The following CPLANE1 variants were observed in gnomAD, a reference collection of about 807,000 sequenced individuals.
The protein encoded by CPLANE1 is ciliogenesis and planar polarity effector complex subunit 1.
CPLANE1 carries 263 observed loss-of-function variants against 362.5 expected under a neutral mutation model. That is an observed-to-expected ratio of 0.73 (90% CI 0.66 to 0.80). CPLANE1 has a LOEUF of 0.80. CPLANE1 is among the 30% of genes least tolerant of loss of function. The pLI is 0.00. For missense variants in CPLANE1, 3,461 were observed against 3,793.4 expected (o/e 0.91, Z 2.30); for synonymous variants, 1,212 against 1,302.6 (o/e 0.93, Z 1.50).
Position 37,106,813 on chromosome 5 carries a change from G to A in CPLANE1, c.*789C>T. ...GTGCTTTTATATTATACCAAACATT[G>A]ATGAAGTAGTTGAAGGATACTGGTT... On this transcript the variant is annotated 3_prime_UTR_variant, in exon 53 of 53. Transcript: ENST00000651892. 4.2e-6 allele frequency: 4 copies of A among 963,628 alleles called. No individual in the cohort carries two copies. Among genetic ancestry groups the A allele is most frequent in the Non-Finnish European group, 4.9e-6 (4 of 810,232 alleles). The allele number at this position is 963,628 out of a possible 1,614,324, so 59.7% of individuals were successfully genotyped here.
chr5:37,216,490 A>G (rs986259862), intron 15 of CPLANE1, among the ~76,000 whole-genome samples: 1 of 152,244 alleles, frequency 6.6e-6, no homozygotes, highest in Non-Finnish European at 1.5e-5. Context: ...TTGAAGCTGC[A>G]GTGAGCTGTG....
chr5:37,138,978 A>C (rs1228186931), intron 45 of CPLANE1, 130 bp from the exon 46 acceptor site: 1 of 780,066 alleles, frequency 1.3e-6, no homozygotes, highest in Non-Finnish European at 1.9e-6. Context: ...CTATTTCTGT[A>C]ATTCTAGTAT....
At chr5:37,158,145 C>A in intron 39 of CPLANE1, 79 bp downstream of exon 39, 16 of 1,454,790 alleles carry the variant, frequency 1.1e-5, no homozygotes, top group Non-Finnish European at 1.5e-5. Context: ...ATTTCATCTA[C>A]CCAATTGAAT....
intron 12 of CPLANE1, 27 bp downstream of exon 12, chr5:37,226,277 T>G (rs923550381): frequency 7.8e-6 from 11 of 1,409,724 alleles, no homozygotes; most frequent in East Asian, 2.5e-5. Flanking sequence ...GCTAATAGTA[T>G]CCCAGTATTA....
chr5:37,206,374 A>G lies in CPLANE1; in HGVS notation c.2972T>C (p.Val991Ala). ...CACATTAGAGAGATTCTGATCTCTAACAACACTGGCCACCTTAGAGTGTTG... is the reference window on the plus strand; with the variant it reads ...CACATTAGAGAGATTCTGATCTCTAGCAACACTGGCCACCTTAGAGTGTTG... ...PLQHSKVASVVRDQNLSNVWT... is the reference protein window; with the variant it reads ...PLQHSKVASVARDQNLSNVWT... The change falls in exon 17 of 53, where the codon GTT becomes GCT. Residue 991 changes from valine (V) to alanine (A), a missense_variant. This residue lies in a region of CPLANE1 where 3,380 missense variants were observed against 3,666.1 expected (regional missense o/e 0.92). Transcript: ENST00000651892. The G allele has an allele frequency of 1.3e-6, 2 of 1,551,772 alleles. No individual in the cohort carries two copies. Among genetic ancestry groups the G allele is most frequent in the Non-Finnish European group, 1.7e-6 (2 of 1,146,968 alleles).
At chr5:37,104,271 A>G (rs1181670914), downstream of CPLANE1, among the ~76,000 whole-genome samples, 1 of 152,086 alleles carries the variant, frequency 6.6e-6, no homozygotes, top group African/African-American at 2.4e-5. Flanking sequence ...CTGTAGTTTT[A>G]TCATGGTTCT....
chr5:37,140,143 CTA>C (rs1461271152), intron 44 of CPLANE1: 2 of 874,488 alleles, frequency 2.3e-6, no homozygotes, highest in African/African-American at 3.6e-5. Flanking sequence ...ATTCAGTCTT[CTA>C]TATGTTTCAT....
At position 37,107,769 on chromosome 5, in the gene CPLANE1, G is replaced by T. The variant is rs1355287428; in HGVS notation, c.9589C>A (p.Pro3197Thr). 6.8e-6 allele frequency: 11 copies of T among 1,605,998 alleles called. No homozygotes were observed. Among genetic ancestry groups the T allele is most frequent in the Non-Finnish European group, 8.5e-6 (10 of 1,175,792 alleles). Reference sequence around the variant, plus strand: ...TGCTCTGGCTCTTCCTCTTCAGTTGGAGACAAGTCCTATTAAATTGAAAAG... The same window carrying T: ...TGCTCTGGCTCTTCCTCTTCAGTTGTAGACAAGTCCTATTAAATTGAAAAG... ...SHNSLLQDLS[P>T]TEEEEPEHPF... The change falls in exon 53 of 53, where the codon CCA (proline) becomes ACA (threonine). Residue 3197 changes from proline (P) to threonine (T), a missense_variant. Pro to Thr is a conservative substitution (Grantham distance 38, BLOSUM62 -1). Transcript: ENST00000651892.
intron 16 of CPLANE1, 96 bp from the exon 17 acceptor site, chr5:37,206,521 C>T: frequency 1.3e-6 from 1 of 760,238 alleles, no homozygotes; most frequent in Non-Finnish European, 2.1e-6. Context: ...GTATTATCTA[C>T]AAAAAACCAC....
intron 16 of CPLANE1, chr5:37,212,516 A>G (rs1792909391): frequency 5.2e-6 from 3 of 575,202 alleles, no homozygotes; most frequent in Non-Finnish European, 9.7e-6. Context: ...AAAAGAAAGA[A>G]ACTACAAATG....
In CPLANE1 at chr5:37,183,323, C is replaced by A; in HGVS notation, c.4858G>T (p.Val1620Phe). Residue 1620 changes from valine (V) to phenylalanine (F), a missense_variant, in exon 26 of 53, where the codon GTT becomes TTT. Around this residue, in one of 2 missense-constraint regions of CPLANE1, gnomAD observed 3,380 missense variants for 3,666.1 expected, o/e 0.92. Transcript: ENST00000651892. The stretch of plus-strand genomic sequence containing the variant: ...GATTCATAGGACTCAGGAGCAACAA[C>A]AAAGCAAGAACCAGCTCTAAACACA... ...QNVFRAGSCF[V>F]VAPESYESEK... 1 of 1,613,168 alleles carries A rather than the reference C, an allele frequency of 6.2e-7. No individual in the cohort carries two copies. The highest frequency in any genetic ancestry group is 8.5e-7 in the Non-Finnish European group (1 of 1,179,732).
intron 24 of CPLANE1, 24 bp from the exon 25 acceptor site, chr5:37,185,103 C>T: frequency 6.4e-7 from 1 of 1,568,734 alleles, no homozygotes; most frequent in South Asian, 1.2e-5. Flanking sequence ...AATAAAAAGT[C>T]TTAGTGTTCA....
chr5:37,188,022 G>A (rs535616183), intron 21 of CPLANE1, among the ~76,000 whole-genome samples, 180 bp from the exon 22 acceptor site: 12 of 152,122 alleles, frequency 7.9e-5, no homozygotes, highest in Non-Finnish European at 1.8e-4. Context: ...CATGGAGATT[G>A]ACTTATAAGT....
chr5:37,219,387 G>A (rs1295647162), intron 15 of CPLANE1, among the ~76,000 whole-genome samples: 1 of 151,992 alleles, frequency 6.6e-6, no homozygotes, highest in East Asian at 1.9e-4. Context: ...AGTCAGCCAG[G>A]CATGGTGGCG....
chr5:37,159,701 C>T (rs1391459728), intron 38 of CPLANE1, among the ~76,000 whole-genome samples: 2 of 152,064 alleles, frequency 1.3e-5, no homozygotes, highest in African/African-American at 4.8e-5. Flanking sequence ...TAAATTTAAA[C>T]CACTTAAAAC....
intron 44 of CPLANE1, chr5:37,139,724 AT>A: frequency 8.8e-6 from 4 of 452,332 alleles, no homozygotes; most frequent in Non-Finnish European, 1.2e-5. Flanking sequence ...TAATTTTTGT[AT>A]TTTTTGTAGA....
chr5:37,142,710 T>G, intron 43 of CPLANE1: 143 of 267,310 alleles, frequency 5.3e-4, no homozygotes, highest in East Asian at 9.1e-4. Context: ...CATAGGCCTA[T>G]GCCCTTTCAT....
chr5:37,124,917 G>A, intron 47 of CPLANE1: 1 of 1,066,838 alleles, frequency 9.4e-7, no homozygotes, highest in South Asian at 3.8e-5. Flanking sequence ...TGTCGCAACT[G>A]CCAATGACTC....
At position 37,185,048 on chromosome 5, in the gene CPLANE1, G is replaced by A. The variant is rs776933114; in HGVS notation, c.4221C>T (p.Val1407=). ...GPQTEEMMSV[V]MHSIQKVRVK... Reference sequence around the variant, plus strand: ...CCCTCACTTTCTGGATAGAATGCATGACAACAGACATCATTTCCTCAGTCT... The same window carrying A: ...CCCTCACTTTCTGGATAGAATGCATAACAACAGACATCATTTCCTCAGTCT... The change falls in exon 25 of 53, where the codon GTC becomes GTT. Residue 1407 remains valine, a synonymous_variant. Transcript: ENST00000651892. 2.5e-6 allele frequency: 4 copies of A among 1,613,146 alleles called. No individual in the cohort carries two copies. Among genetic ancestry groups the A allele is most frequent in the South Asian group, 2.2e-5 (2 of 90,958 alleles).
Sources: gnomAD v4.1 joint callset for allele counts (sites outside exome capture counted in the v4.1 genomes callset) on GRCh38, gnomAD v4.1.1 for gene constraint, gnomAD v4.1.1 regional missense constraint, MANE v1.5 for transcripts, NCBI Gene and HGNC (gene_info 2026-07-23, HGNC 2026-07-21) for gene names.